CAST: variants seen among roughly 807,000 people sequenced by gnomAD.
CAST encodes the protein MIR583 host.
Under a neutral mutation model 119.6 loss-of-function variants are expected in CAST, and 76 were observed. The ratio of observed to expected loss-of-function variants is 0.64; its 90% confidence interval spans 0.53 to 0.77. The LOEUF (loss-of-function observed/expected upper bound fraction) is 0.77, where lower values mean the gene tolerates loss of function less well. Among genes scored for constraint, CAST ranks in the 30% least tolerant of loss-of-function variants. The probability of loss-of-function intolerance (pLI) is 0.00; values close to 1 mark genes in which losing one functional copy is unlikely to be tolerated. For missense variants in CAST, 953 were observed against 946.5 expected, an observed-to-expected ratio of 1.01 and a Z score of -0.09; for synonymous variants, 319 against 331.6, an observed-to-expected ratio of 0.96 and a Z score of 0.41.
chr5:96,288,413 TA>T, the CAST span, among the ~76,000 whole-genome samples: 2 of 152,102 alleles, frequency 1.3e-5, no homozygotes, highest in South Asian at 4.1e-4. Context: ...GACTACCACT[TA>T]AAAAAATATT....
intron 2 of CAST, chr5:96,679,325 G>C (rs1229419919): frequency 1.3e-5 from 2 of 152,148 alleles, no homozygotes; most frequent in Non-Finnish European, 2.9e-5. Context: ...AGATGTAGAG[G>C]AATTACAGGA....
intron 19 of CAST, among the ~76,000 whole-genome samples, chr5:96,749,469 A>G (rs1389434492): frequency 2.0e-5 from 3 of 152,258 alleles, no homozygotes; most frequent in Non-Finnish European, 2.9e-5. Flanking sequence ...CACCTTGCAT[A>G]TAGGATAGGC....
At chr5:96,494,072 T>G in the CAST span, among the ~76,000 whole-genome samples, 1 of 152,056 alleles carries the variant, frequency 6.6e-6, no homozygotes, top group Admixed American at 6.6e-5. Context: ...TAAATAAACT[T>G]ATTCTAATCC....
At chr5:96,172,478 A>G in the CAST span, among the ~76,000 whole-genome samples, 3 of 152,230 alleles carry the variant, frequency 2.0e-5, no homozygotes, top group African/African-American at 4.8e-5. Context: ...AGTGATTTCA[A>G]ATATACATGG....
the CAST span, among the ~76,000 whole-genome samples, chr5:96,518,863 A>T: frequency 1.4e-4 from 22 of 152,232 alleles, no homozygotes; most frequent in South Asian, 1.5e-3. Context: ...AAATATTTTT[A>T]AAAAATTAGC....
the CAST span, among the ~76,000 whole-genome samples, chr5:96,066,270 C>T: frequency 6.6e-6 from 1 of 152,080 alleles, no homozygotes; most frequent in Non-Finnish European, 1.5e-5. Context: ...AGCCTGTATC[C>T]CTTTTGCTAT....
At chr5:96,279,464 ATAT>A in the CAST span, among the ~76,000 whole-genome samples, 5 of 152,180 alleles carry the variant, frequency 3.3e-5, no homozygotes, top group Non-Finnish European at 1.5e-5. Context: ...CCCAAGAATA[ATAT>A]TATGGAAAAG....
chr5:96,510,730 G>A, the CAST span, among the ~76,000 whole-genome samples: 1 of 152,206 alleles, frequency 6.6e-6, no homozygotes, highest in African/African-American at 2.4e-5. Flanking sequence ...TAACAGCACT[G>A]TGGTAATGGT....
At chr5:96,722,550 AAGGGCAGTATGGTTAAG>A in intron 3 of CAST, 72 bp from the exon 4 acceptor site, 1 of 983,436 alleles carries the variant, frequency 1.0e-6, no homozygotes, top group Non-Finnish European at 1.6e-6. Flanking sequence ...GTAAAGGGCC[AAGGGCAGTATGGTTAAG>A]AGGAGCTGAA....
the CAST span, among the ~76,000 whole-genome samples, chr5:95,983,194 A>G: frequency 1.3e-5 from 2 of 152,246 alleles, no homozygotes; most frequent in Admixed American, 6.5e-5. Flanking sequence ...TGATGACTCT[A>G]AAAGTCAGGA....
chr5:96,164,245 T>C, the CAST span, among the ~76,000 whole-genome samples: 1 of 152,154 alleles, frequency 6.6e-6, no homozygotes, highest in African/African-American at 2.4e-5. Flanking sequence ...AAAGAAAGAA[T>C]AGAAAGAATA....
chr5:96,476,739 A>G, the CAST span, among the ~76,000 whole-genome samples: 1 of 152,150 alleles, frequency 6.6e-6, no homozygotes, highest in Non-Finnish European at 1.5e-5. Flanking sequence ...TTAACTTTCA[A>G]TACACTGGAA....
chr5:96,479,642 G>C, the CAST span, among the ~76,000 whole-genome samples: 1 of 152,122 alleles, frequency 6.6e-6, no homozygotes, highest in Admixed American at 6.5e-5. Context: ...TAGGGACGGG[G>C]TTTCACCATG....
the CAST span, among the ~76,000 whole-genome samples, chr5:96,294,314 C>A: frequency 1.3e-5 from 2 of 152,168 alleles, no homozygotes; most frequent in African/African-American, 4.8e-5. Context: ...GAAAACTGAC[C>A]TGTTGTTTTT....
chr5:96,590,867 A>G (rs574449232), intron 1 of CAST, among the ~76,000 whole-genome samples: 4 of 152,386 alleles, frequency 2.6e-5, no homozygotes, highest in Admixed American at 2.6e-4. Flanking sequence ...ATTAATAAAT[A>G]TTAACTAGTT....
chr5:96,056,703 A>G, the CAST span, among the ~76,000 whole-genome samples: 2 of 152,178 alleles, frequency 1.3e-5, no homozygotes, highest in Admixed American at 1.3e-4. Flanking sequence ...TTTTATGTAC[A>G]TCATAGATAT....
At chr5:96,048,992 G>A in the CAST span, among the ~76,000 whole-genome samples, 2 of 152,162 alleles carry the variant, frequency 1.3e-5, no homozygotes, top group African/African-American at 4.8e-5. Flanking sequence ...GTGAGAGGGC[G>A]TGGCTAAGAA....
the CAST span, among the ~76,000 whole-genome samples, chr5:96,225,650 A>G: frequency 6.6e-6 from 1 of 152,200 alleles, no homozygotes; most frequent in Non-Finnish European, 1.5e-5. Flanking sequence ...GTAAATAGCT[A>G]TATTTTTCTC....
the CAST span, among the ~76,000 whole-genome samples, chr5:96,211,589 G>T: frequency 1.3e-5 from 2 of 151,794 alleles, no homozygotes; most frequent in Non-Finnish European, 2.9e-5. Flanking sequence ...AGTGATATTG[G>T]CTAATGATTT....
Sources: gnomAD v4.1 joint callset for allele counts (sites outside exome capture counted in the v4.1 genomes callset) on GRCh38, gnomAD v4.1.1 for gene constraint, MANE v1.5 for transcripts, NCBI Gene and HGNC (gene_info 2026-07-23, HGNC 2026-07-21) for gene names.